DOCK4: variants seen among roughly 807,000 people sequenced by gnomAD.
The protein encoded by DOCK4 is dedicator of cytokinesis 4, also known as dedicator of cytokinesis protein 4.
In DOCK4, 97 loss-of-function variants were observed where a neutral mutation model predicts 268.1. The observed-to-expected ratio is 0.36, with a 90% CI of 0.31 to 0.43. The LOEUF is 0.43. Ranked by LOEUF, DOCK4 falls within the 20% of genes least tolerant of loss-of-function variation. The probability of loss-of-function intolerance (pLI) is 1.00; values close to 1 mark genes in which losing one functional copy is unlikely to be tolerated. For synonymous variants in DOCK4, 954 were observed against 887.2 expected (o/e 1.08, Z -1.34); for missense variants, 2,145 against 2,455.7 (o/e 0.87, Z 2.67).
chr7:111,918,903 C>T (rs956270793), intron 12 of DOCK4, among the ~76,000 whole-genome samples: 3 of 152,112 alleles, frequency 2.0e-5, no homozygotes, highest in African/African-American at 7.2e-5. Flanking sequence ...GATCATTTTA[C>T]TGGGGCTTCT....
rs1032126175 is a variant in DOCK4, at chr7:112,128,785, C to T, written c.37+77317G>A. Among the ~76,000 whole-genome samples, 7 of 151,998 alleles carry T rather than the reference C, an allele frequency of 4.6e-5. No individual in the cohort carries two copies. In the South Asian group the frequency reaches 6.3e-4, roughly 14 times the overall value. On this transcript the variant is annotated intron_variant, in intron 1 of 52. Coordinates refer to ENST00000428084, the MANE Select transcript of DOCK4 (RefSeq NM_001363540.2). The stretch of plus-strand genomic sequence containing the variant: ...CAGGGACACAAACACTGCGGAAGGC[C>T]GCAGGGTCCTCTGCCTGGGAAAACC...
At chr7:111,799,925 T>C (rs1161502943) in intron 30 of DOCK4, among the ~76,000 whole-genome samples, 1 of 152,204 alleles carries the variant, frequency 6.6e-6, no homozygotes, top group Non-Finnish European at 1.5e-5. Context: ...AATAAAACTA[T>C]ACACTGTGTC....
chr7:111,791,550 C>G (rs1456754439), intron 30 of DOCK4, among the ~76,000 whole-genome samples: 1 of 151,886 alleles, frequency 6.6e-6, no homozygotes, highest in South Asian at 2.1e-4. Context: ...CAGGCTGAAG[C>G]ACATCTCCTG....
rs147934204 is a variant in DOCK4 at position 111,974,355 on chromosome 7, C to T, written c.701+2777G>A. ...ATTGTGATACTTATTCATTTTTTTG[C>T]CAATCACCTTTATGGTGATTGTGAG... On this transcript the variant is annotated intron_variant, in intron 8 of 52. Coordinates refer to ENST00000428084, the MANE Select transcript of DOCK4 (RefSeq NM_001363540.2). Among the ~76,000 whole-genome samples the T allele has an allele frequency of 6.2e-3, 947 of 151,906 alleles. 5 individuals are homozygous for T. Among genetic ancestry groups the T allele is most frequent in the Middle Eastern group, 0.034 (10 of 294 alleles).
Position 111,929,667 on chromosome 7 carries a change from A to C in DOCK4, c.1066+5873T>G, listed in dbSNP as rs550416457. ...CTCCTTTCACCTCAGCCAAATAAAAAACACCATATATTTCCTGAATAGAGT... is the reference window on the plus strand; with the variant it reads ...CTCCTTTCACCTCAGCCAAATAAAACACACCATATATTTCCTGAATAGAGT... On this transcript the variant is annotated intron_variant, in intron 12 of 52. Transcript: ENST00000428084. Among the ~76,000 whole-genome samples, 10 of 152,324 alleles carry C rather than the reference A, an allele frequency of 6.6e-5. No homozygotes were observed. In the East Asian group the frequency reaches 1.9e-3, roughly 29 times the overall value.
intron 1 of DOCK4, among the ~76,000 whole-genome samples, chr7:112,018,624 T>C (rs1802065101): frequency 6.6e-6 from 1 of 152,162 alleles, no homozygotes; most frequent in Non-Finnish European, 1.5e-5. Context: ...GAAATCTGGG[T>C]TGTCTTTGTT....
In DOCK4 at chr7:112,189,750, T is replaced by TTG. The variant is rs1554475276; in HGVS notation, c.37+16351_37+16352insCA. Among the ~76,000 whole-genome samples the TTG allele has an allele frequency of 5.7e-5, 7 of 123,684 alleles. 1 individual carries two copies. The highest frequency in any genetic ancestry group is 1.6e-4 in the Admixed American group (2 of 12,582). The allele number at this position is 123,684 out of a possible 152,430, so 81.1% of individuals were successfully genotyped here. On this transcript the variant is annotated intron_variant, in intron 1 of 52. Transcript: ENST00000428084. Reference sequence around the variant, plus strand: ...TTTATTCTCTGTCTGGGTTTTGTTTTTTTTTTTTTTTTTTTTTGAGATAGG... The same window carrying TTG: ...TTTATTCTCTGTCTGGGTTTTGTTTTTGTTTTTTTTTTTTTTTTTGAGATAGG...
intron 1 of DOCK4, among the ~76,000 whole-genome samples, chr7:112,127,750 G>T (rs1409093267): frequency 1.3e-5 from 2 of 152,094 alleles, no homozygotes; most frequent in Non-Finnish European, 2.9e-5. Flanking sequence ...CCTAAGCTTG[G>T]CTGGGTGCGG....
chr7:112,109,391 C>A (rs900085484), intron 1 of DOCK4, among the ~76,000 whole-genome samples: 4 of 152,004 alleles, frequency 2.6e-5, no homozygotes, highest in Non-Finnish European at 5.9e-5. Flanking sequence ...ACAGGCCCCC[C>A]AATAAGTCAC....
Position 111,755,622 on chromosome 7 carries a change from TAA to T in DOCK4, c.4330-23_4330-22del. ...AGACTCTACAAAACACAAAACACAT[TAA>T]GTCTCCCAAGTTGCCCTTCTTTCTA... On this transcript the variant is annotated intron_variant, in intron 41 of 52. Coordinates refer to ENST00000428084, the MANE Select transcript of DOCK4 (RefSeq NM_001363540.2). 2.5e-6 allele frequency: 4 copies of T among 1,610,880 alleles called. No homozygotes were observed. The South Asian group carries it at 3.3e-5, about 13-fold the overall frequency.
At chr7:112,009,311 G>A (rs903050887) in intron 1 of DOCK4, among the ~76,000 whole-genome samples, 1 of 152,186 alleles carries the variant, frequency 6.6e-6, no homozygotes, top group Non-Finnish European at 1.5e-5. Context: ...ACAGGTTGTG[G>A]TTTAAAAGGT....
At chr7:111,937,647 A>G (rs189476648) in intron 11 of DOCK4, among the ~76,000 whole-genome samples, 1 of 152,194 alleles carries the variant, frequency 6.6e-6, no homozygotes, top group South Asian at 2.1e-4. Flanking sequence ...AAATGATGAG[A>G]GTGTGTTTGT....
intron 38 of DOCK4, among the ~76,000 whole-genome samples, chr7:111,766,831 A>C (rs1288576421): frequency 6.6e-6 from 1 of 152,242 alleles, no homozygotes; most frequent in Admixed American, 6.5e-5. Context: ...AAACAGATCA[A>C]GTGCTCACTT....
intron 1 of DOCK4, among the ~76,000 whole-genome samples, chr7:112,181,454 G>C (rs558259098): frequency 6.6e-6 from 1 of 151,882 alleles, no homozygotes; most frequent in African/African-American, 2.4e-5. Flanking sequence ...AGCACAGTTC[G>C]GGACCAGACT....
At chr7:112,200,740 A>AAAAAAAAAAAAAAC (rs1820860515) in intron 1 of DOCK4, among the ~76,000 whole-genome samples, 1 of 76,504 alleles carries the variant, frequency 1.3e-5, no homozygotes, top group Non-Finnish European at 2.5e-5. Flanking sequence ...AAAAAAAAAC[A>AAAAAAAAAAAAAAC]AAAAAAAACA....
chr7:111,857,267 G>C (rs774400644), intron 23 of DOCK4, among the ~76,000 whole-genome samples: 8 of 152,140 alleles, frequency 5.3e-5, no homozygotes, highest in Non-Finnish European at 4.4e-5. Context: ...TTTAAAAATA[G>C]TCTAATAGTC....
At position 112,194,367 on chromosome 7, in the gene DOCK4, T is replaced by C. The variant is rs550170847; in HGVS notation, c.37+11735A>G. On this transcript the variant is annotated intron_variant, in intron 1 of 52. Transcript: ENST00000428084. ...CTTAGGTGAATTCATCTGAAGCTGT[T>C]TCAACAAATTAAAAGAGCAATTAGA... Among the ~76,000 whole-genome samples the C allele has an allele frequency of 1.3e-3, 200 of 152,300 alleles. 4 individuals are homozygous for C. Among genetic ancestry groups the C allele is most frequent in the African/African-American group, 4.5e-3 (187 of 41,564 alleles).
intron 1 of DOCK4, among the ~76,000 whole-genome samples, chr7:112,175,226 G>T (rs1416561953): frequency 6.6e-6 from 1 of 152,018 alleles, no homozygotes; most frequent in African/African-American, 2.4e-5. Context: ...TTTAAACAGT[G>T]AAAAAGGATT....
intron 31 of DOCK4, chr7:111,789,407 C>T (rs988981565): frequency 1.3e-5 from 2 of 152,416 alleles, no homozygotes; most frequent in East Asian, 1.9e-4. Context: ...CTATGTCTAT[C>T]TGAGGCAGAA....
Sources: allele counts gnomAD v4.1 joint callset (sites outside exome capture counted in the v4.1 genomes callset), GRCh38; gene constraint gnomAD v4.1.1; transcripts MANE v1.5; gene names NCBI Gene and HGNC (gene_info 2026-07-23, HGNC 2026-07-21).